Variants in CSMD1 observed in about 807,000 individuals in gnomAD.
CSMD1 encodes the protein CUB and sushi domain-containing protein 1.
Under a neutral mutation model 417.5 loss-of-function variants are expected in CSMD1, and 213 were observed. The ratio of observed to expected loss-of-function variants is 0.51; its 90% CI spans 0.46 to 0.57. The LOEUF (loss-of-function observed/expected upper bound fraction) is 0.57. CSMD1 is among the 20% of genes least tolerant of loss of function. The pLI is 0.00. For missense variants in CSMD1, 6,923 were observed against 4,529.7 expected (o/e 1.53, Z -15.17); for synonymous variants, 2,862 against 1,736.8 (o/e 1.65, Z -16.11).
At chr8:4,200,899 G>A (rs574402549) in intron 3 of CSMD1, among the ~76,000 whole-genome samples, 6 of 152,154 alleles carry the variant, frequency 3.9e-5, no homozygotes, top group African/African-American at 1.4e-4. Context: ...TTTAAGAAAC[G>A]CTAAGCTAGT....
At chr8:4,800,415 G>A (rs576097441) in intron 1 of CSMD1, among the ~76,000 whole-genome samples, 1 of 147,960 alleles carries the variant, frequency 6.8e-6, no homozygotes, top group East Asian at 2.0e-4. Flanking sequence ...TCCAGGCTGG[G>A]TGACAAGAGC....
At chr8:4,920,842 G>GAAAGA (rs1181413955) in intron 1 of CSMD1, among the ~76,000 whole-genome samples, 13 of 34,612 alleles carry the variant, frequency 3.8e-4, no homozygotes, top group African/African-American at 6.0e-4. Flanking sequence ...AAAAGAGAAC[G>GAAAGA]AAAGAAAAGA....
intron 3 of CSMD1, among the ~76,000 whole-genome samples, chr8:4,053,416 C>T (rs1469423852): frequency 6.6e-6 from 1 of 151,670 alleles, no homozygotes; most frequent in Non-Finnish European, 1.5e-5. Context: ...TGAATAGCTC[C>T]CACCACCTGC....
chr8:4,576,516 A>G (rs1254506302), intron 2 of CSMD1, among the ~76,000 whole-genome samples: 1 of 152,144 alleles, frequency 6.6e-6, no homozygotes, highest in Non-Finnish European at 1.5e-5. Context: ...ACTCTCTCCT[A>G]CTATACCAAG....
At chr8:4,498,332 C>A (rs1281797792) in intron 2 of CSMD1, among the ~76,000 whole-genome samples, 1 of 152,146 alleles carries the variant, frequency 6.6e-6, no homozygotes, top group South Asian at 2.1e-4. Flanking sequence ...TAGACACACA[C>A]ACGTTAACTT....
intron 5 of CSMD1, among the ~76,000 whole-genome samples, chr8:3,950,508 C>T (rs561397164): frequency 1.5e-4 from 23 of 152,314 alleles, no homozygotes; most frequent in South Asian, 1.0e-3. Context: ...CTGCAGACTC[C>T]GTCCACTTGC....
intron 30 of CSMD1, among the ~76,000 whole-genome samples, chr8:3,208,966 A>G (rs1414405073): frequency 6.6e-6 from 1 of 152,190 alleles, no homozygotes; most frequent in Admixed American, 6.5e-5. Flanking sequence ...CCCTTTATAT[A>G]TGTAACTATT....
chr8:4,347,689 C>G (rs1487890461), intron 3 of CSMD1, among the ~76,000 whole-genome samples: 1 of 152,166 alleles, frequency 6.6e-6, no homozygotes, highest in African/African-American at 2.4e-5. Context: ...ACTCCTATTA[C>G]TACAAACATC....
chr8:3,902,611 C>T (rs188454403), intron 5 of CSMD1, among the ~76,000 whole-genome samples: 116 of 152,084 alleles, frequency 7.6e-4, no homozygotes, highest in Non-Finnish European at 1.3e-3. Flanking sequence ...CTAATGTCGC[C>T]GCCGATCTGA....
chr8:4,621,779 G>A (rs956370292), intron 2 of CSMD1, among the ~76,000 whole-genome samples: 1 of 151,912 alleles, frequency 6.6e-6, no homozygotes, highest in African/African-American at 2.4e-5. Context: ...TATTTTAAAT[G>A]AACTACTGTA....
chr8:3,972,827 A>G (rs975944415), intron 5 of CSMD1, among the ~76,000 whole-genome samples: 29 of 152,356 alleles, frequency 1.9e-4, no homozygotes, highest in African/African-American at 6.7e-4. Context: ...ATATTCACAC[A>G]TATCTTTGAC....
chr8:4,297,575 A>T (rs1270492113), intron 3 of CSMD1, among the ~76,000 whole-genome samples: 4 of 152,154 alleles, frequency 2.6e-5, no homozygotes, highest in African/African-American at 9.7e-5. Context: ...TGTTATTTTA[A>T]TTTTAGATGT....
intron 45 of CSMD1, 113 bp from the exon 46 acceptor site, chr8:3,106,754 AG>A: frequency 1.8e-6 from 1 of 558,906 alleles, no homozygotes; most frequent in South Asian, 2.9e-5. Context: ...AAATCTTTTT[AG>A]AAACTATGTC....
At chr8:3,032,089 T>C (rs1810379338) in intron 50 of CSMD1, among the ~76,000 whole-genome samples, 1 of 151,494 alleles carries the variant, frequency 6.6e-6, no homozygotes, top group African/African-American at 2.4e-5. Context: ...CGTGTATGAG[T>C]GGAAATTAGG....
intron 3 of CSMD1, among the ~76,000 whole-genome samples, chr8:4,159,989 G>A (rs186289689): frequency 1.2e-4 from 18 of 152,108 alleles, no homozygotes; most frequent in Admixed American, 4.6e-4. Context: ...TGGGTTCAAT[G>A]TATAATGCTC....
intron 3 of CSMD1, among the ~76,000 whole-genome samples, chr8:4,205,487 C>G (rs946347552): frequency 2.6e-5 from 4 of 152,180 alleles, no homozygotes; most frequent in South Asian, 2.1e-4. Context: ...GTTCTACAAA[C>G]AAGCCACTCG....
chr8:4,122,730 G>T (rs1311349659), intron 3 of CSMD1, among the ~76,000 whole-genome samples: 2 of 152,042 alleles, frequency 1.3e-5, no homozygotes, highest in African/African-American at 2.4e-5. Context: ...TTTCCTAGAA[G>T]TAACACTTTC....
intron 7 of CSMD1, among the ~76,000 whole-genome samples, chr8:3,684,918 G>A (rs948992510): frequency 2.0e-5 from 3 of 152,034 alleles, no homozygotes; most frequent in African/African-American, 7.2e-5. Flanking sequence ...AATGATGCCG[G>A]GAAGCACTTG....
At chr8:4,206,769 T>C (rs1216473017) in intron 3 of CSMD1, among the ~76,000 whole-genome samples, 1 of 152,212 alleles carries the variant, frequency 6.6e-6, no homozygotes, top group East Asian at 1.9e-4. Flanking sequence ...AACCATATCA[T>C]TTCTTTAAAT....
Sources: gnomAD v4.1 joint callset for allele counts (sites outside exome capture counted in the v4.1 genomes callset) on GRCh38, gnomAD v4.1.1 for gene constraint, MANE v1.5 for transcripts, NCBI Gene and HGNC (gene_info 2026-07-23, HGNC 2026-07-21) for gene names.